DLG2: variants seen among roughly 807,000 people sequenced by gnomAD.
The protein encoded by DLG2 is discs large MAGUK scaffold protein 2.
DLG2 carries 45 observed loss-of-function variants against 132.5 expected under a neutral mutation model. The observed-to-expected ratio is 0.34, with a 90% confidence interval of 0.27 to 0.44. The LOEUF is 0.44. Among genes scored for constraint, DLG2 ranks in the 20% least tolerant of loss-of-function variants. The probability of loss-of-function intolerance (pLI) is 1.00; values close to 1 mark genes in which losing one functional copy is unlikely to be tolerated. For missense variants in DLG2, 1,045 were observed against 1,196.9 expected, an observed-to-expected ratio of 0.87 and a Z score of 1.87; for synonymous variants, 424 against 419.6, an observed-to-expected ratio of 1.01 and a Z score of -0.13.
intron 13 of DLG2, among the ~76,000 whole-genome samples, chr11:83,964,455 G>C (rs1467819852): frequency 6.6e-6 from 1 of 151,986 alleles, no homozygotes; most frequent in Non-Finnish European, 1.5e-5. Flanking sequence ...GTAAGTCTGA[G>C]AGAACTTGAA....
chr11:83,915,508 T>C (rs566921011), intron 15 of DLG2, among the ~76,000 whole-genome samples: 42 of 152,314 alleles, frequency 2.8e-4, no homozygotes, highest in African/African-American at 9.9e-4. Flanking sequence ...CAAAAAGTAG[T>C]TAGTAAATGA....
chr11:85,229,423 A>C (rs2075168248), intron 4 of DLG2, among the ~76,000 whole-genome samples: 1 of 152,266 alleles, frequency 6.6e-6, no homozygotes, highest in South Asian at 2.1e-4. Flanking sequence ...AGAAATGCAA[A>C]TCAAAACCAC....
chr11:84,090,159 A>T (rs556941124), intron 10 of DLG2, among the ~76,000 whole-genome samples: 2 of 152,278 alleles, frequency 1.3e-5, no homozygotes, highest in Admixed American at 1.3e-4. Context: ...CACGCCTGTA[A>T]TCCTAGCACT....
At chr11:84,810,738 C>T (rs900241650) in intron 6 of DLG2, among the ~76,000 whole-genome samples, 1 of 152,134 alleles carries the variant, frequency 6.6e-6, no homozygotes, top group South Asian at 2.1e-4. Flanking sequence ...TGTGTCAGTA[C>T]CATGGAATAC....
intron 7 of DLG2, among the ~76,000 whole-genome samples, chr11:84,415,826 C>G (rs1201776331): frequency 6.6e-6 from 1 of 152,168 alleles, no homozygotes; most frequent in East Asian, 1.9e-4. Flanking sequence ...CTCATCTATA[C>G]AGCACTGATA....
chr11:84,954,074 A>G (rs534566200), intron 6 of DLG2, among the ~76,000 whole-genome samples: 76 of 151,922 alleles, frequency 5.0e-4, no homozygotes, highest in African/African-American at 1.8e-3. Context: ...TCCCCTCACT[A>G]TTAGGATTGG....
At chr11:84,013,866 C>CAAA (rs5793100) in intron 11 of DLG2, among the ~76,000 whole-genome samples, 5 of 64,072 alleles carry the variant, frequency 7.8e-5, no homozygotes, top group Non-Finnish European at 1.5e-4. Context: ...GACTGCGTCT[C>CAAA]AAAAAAAAAA....
At chr11:83,578,069 T>C (rs557204095) in intron 19 of DLG2, among the ~76,000 whole-genome samples, 1 of 101,914 alleles carries the variant, frequency 9.8e-6, no homozygotes, top group Admixed American at 1.2e-4. Context: ...TACATATATA[T>C]ATGTATACAC....
intron 3 of DLG2, among the ~76,000 whole-genome samples, chr11:85,545,050 G>A (rs1186146402): frequency 6.6e-6 from 1 of 152,200 alleles, no homozygotes; most frequent in Non-Finnish European, 1.5e-5. Flanking sequence ...GTGAAAGAGG[G>A]CATCCTTGTG....
At chr11:84,542,387 G>T (rs1027794542) in intron 6 of DLG2, among the ~76,000 whole-genome samples, 1 of 152,124 alleles carries the variant, frequency 6.6e-6, no homozygotes, top group Non-Finnish European at 1.5e-5. Context: ...AAACTTGTTA[G>T]TTTCACTGTC....
intron 7 of DLG2, among the ~76,000 whole-genome samples, chr11:84,291,452 T>C (rs2097996243): frequency 6.6e-6 from 1 of 152,110 alleles, no homozygotes; most frequent in South Asian, 2.1e-4. Flanking sequence ...GGAGTATATA[T>C]CCCCTCATTG....
chr11:84,499,038 A>G (rs1342195102), intron 7 of DLG2, among the ~76,000 whole-genome samples: 1 of 152,164 alleles, frequency 6.6e-6, no homozygotes, highest in Non-Finnish European at 1.5e-5. Context: ...ATTCTTACCT[A>G]TTGTTTAATT....
chr11:84,348,740 G>A (rs1022255096), intron 7 of DLG2, among the ~76,000 whole-genome samples: 1 of 152,152 alleles, frequency 6.6e-6, no homozygotes, highest in African/African-American at 2.4e-5. Context: ...ATTAGAGTGA[G>A]CCCTAATCCA....
chr11:85,006,681 C>G (rs1436594230), intron 6 of DLG2, among the ~76,000 whole-genome samples: 2 of 151,916 alleles, frequency 1.3e-5, no homozygotes, highest in Non-Finnish European at 2.9e-5. Flanking sequence ...AAAAACAGTT[C>G]CTGGCTTCAC....
Position 83,621,756 on chromosome 11 carries a change from T to C in DLG2, c.1940+11455A>G, listed in dbSNP as rs150132144. 3.1e-3 allele frequency among the ~76,000 whole-genome samples: 466 copies of C among 152,296 alleles called. 7 individuals carry two copies. Among genetic ancestry groups the C allele is most frequent in the African/African-American group, 0.011 (444 of 41,582 alleles). On this transcript the variant is annotated intron_variant, in intron 19 of 27. Transcript: ENST00000376104. ...GATTTTGTGTTTCTTACCTCTACTA[T>C]ACTACATATTAAGGAAAATAATCAT...
intron 7 of DLG2, among the ~76,000 whole-genome samples, chr11:84,335,970 C>T (rs916871707): frequency 6.6e-6 from 1 of 152,046 alleles, no homozygotes; most frequent in Non-Finnish European, 1.5e-5. Flanking sequence ...GATACTAGCC[C>T]CACCAATATA....
At position 83,967,454 on chromosome 11, in the gene DLG2, G is replaced by A. The variant is rs577807190; in HGVS notation, c.1057-1986C>T. The stretch of plus-strand genomic sequence containing the variant: ...AACAGTTGTGAAGTGATATCTCATG[G>A]CAGTTTAGATTTCCATTTCCTTGAT... On this transcript the variant is annotated intron_variant, in intron 12 of 27. Coordinates refer to ENST00000376104, the MANE Select transcript of DLG2 (RefSeq NM_001142699.3). Among the ~76,000 whole-genome samples the A allele has an allele frequency of 4.6e-5, 7 of 152,090 alleles. No homozygotes were observed. The South Asian group carries it at 1.0e-3, about 23-fold the overall frequency.
At chr11:84,401,250 C>A (rs373185885) in intron 7 of DLG2, among the ~76,000 whole-genome samples, 1 of 152,150 alleles carries the variant, frequency 6.6e-6, no homozygotes, top group Non-Finnish European at 1.5e-5. Context: ...TCTTCAAGGG[C>A]AGAACCTTGC....
At position 85,035,521 on chromosome 11, in the gene DLG2, T is replaced by A. The variant is rs1379813656; in HGVS notation, c.357+76140A>T. ...GGAAAAACTCCCACTTTTAAAACCA[T>A]CAGATCTCATGACAACTCCCTTGCT... On this transcript the variant is annotated intron_variant, in intron 6 of 27. Coordinates refer to ENST00000376104, the MANE Select transcript of DLG2 (RefSeq NM_001142699.3). 2.6e-5 allele frequency among the ~76,000 whole-genome samples: 4 copies of A among 151,994 alleles called. No homozygotes were observed. In the East Asian group the frequency reaches 7.7e-4, roughly 29 times the overall value.
Sources: allele counts gnomAD v4.1 joint callset (sites outside exome capture counted in the v4.1 genomes callset), GRCh38; gene constraint gnomAD v4.1.1; transcripts MANE v1.5; gene names NCBI Gene and HGNC (gene_info 2026-07-23, HGNC 2026-07-21).